The following ACAD11 variants were observed in gnomAD, a reference collection of about 807,000 sequenced individuals.
The protein encoded by ACAD11 is acyl-CoA dehydrogenase family member 11.
ACAD11 carries 83 observed loss-of-function variants against 102.2 expected under a neutral mutation model. The observed-to-expected ratio is 0.81, with a 90% CI of 0.68 to 0.97. The LOEUF is 0.97. Ranked by LOEUF, ACAD11 falls within the 50% of genes least tolerant of loss-of-function variation. The pLI, the probability that ACAD11 is intolerant of heterozygous loss-of-function variation, is 0.00. For synonymous variants in ACAD11, 324 were observed against 319.8 expected (o/e 1.01, Z -0.14); for missense variants, 901 against 951.7 (o/e 0.95, Z 0.70).
intron 9 of ACAD11, among the ~76,000 whole-genome samples, chr3:132,626,437 A>G (rs1381909391): frequency 6.6e-6 from 1 of 151,846 alleles, no homozygotes; most frequent in African/African-American, 2.4e-5. Context: ...AAGGCCCCCA[A>G]AGTAGTGTTT....
At position 132,642,564 on chromosome 3, in the gene ACAD11, C is replaced by A. The variant is rs1371886626; in HGVS notation, c.375+113G>T. ...AAACCTTTGCAATGCAATCTAATTA[C>A]CTAAAATGTTAAATAACAAACTATA... On this transcript the variant is annotated intron_variant, in intron 3 of 19. Transcript: ENST00000264990. The A allele has an allele frequency of 4.2e-6, 5 of 1,197,722 alleles. No individual in the cohort carries two copies. In the African/African-American group the frequency reaches 7.8e-5, roughly 19 times the overall value. The allele number at this position is 1,197,722 out of a possible 1,614,324, so 74.2% of individuals were successfully genotyped here.
intron 13 of ACAD11, among the ~76,000 whole-genome samples, chr3:132,584,415 G>GA (rs1470977000): frequency 6.6e-6 from 1 of 152,094 alleles, no homozygotes; most frequent in Admixed American, 6.5e-5. Context: ...TTGCTTGGTA[G>GA]ACTTTCCTCC....
intron 11 of ACAD11, among the ~76,000 whole-genome samples, chr3:132,612,334 A>T (rs1287202928): frequency 6.6e-6 from 1 of 152,090 alleles, no homozygotes; most frequent in African/African-American, 2.4e-5. Context: ...TCATGTCTAA[A>T]ACATCAAAAG....
chr3:132,643,863 C>T (rs768359183), intron 2 of ACAD11, among the ~76,000 whole-genome samples: 4 of 152,054 alleles, frequency 2.6e-5, no homozygotes, highest in Non-Finnish European at 4.4e-5. Flanking sequence ...AGATCCTTGG[C>T]AGCTGTACTT....
At chr3:132,594,900 AT>A (rs145356911) in intron 13 of ACAD11, among the ~76,000 whole-genome samples, 2,408 of 152,276 alleles carry the variant, frequency 0.016, 63 homozygotes, top group African/African-American at 0.055. Context: ...GTTTTTATTA[AT>A]TCAAAATATT....
At chr3:132,643,175 A>C (rs1027231688) in intron 2 of ACAD11, among the ~76,000 whole-genome samples, 1 of 151,958 alleles carries the variant, frequency 6.6e-6, no homozygotes, top group Admixed American at 6.6e-5. Context: ...ATGTCTTCCA[A>C]GGAAGCTCAG....
At chr3:132,569,950 T>C (rs1409965669) in intron 17 of ACAD11, among the ~76,000 whole-genome samples, 1 of 152,204 alleles carries the variant, frequency 6.6e-6, no homozygotes, top group African/African-American at 2.4e-5. Context: ...GATGTTACCA[T>C]TGGGGAAACT....
chr3:132,629,732 A>AT (rs1157375182), intron 7 of ACAD11, among the ~76,000 whole-genome samples: 1 of 151,876 alleles, frequency 6.6e-6, no homozygotes, highest in African/African-American at 2.4e-5. Context: ...TTTTCCCATT[A>AT]TTTTTCACTT....
chr3:132,644,593 C>A (rs973257131), intron 2 of ACAD11, among the ~76,000 whole-genome samples: 1 of 151,616 alleles, frequency 6.6e-6, no homozygotes, highest in East Asian at 1.9e-4. Context: ...AGATTAATAG[C>A]CTAAAGATAG....
At chr3:132,657,965 G>T (rs1373709395) in intron 1 of ACAD11, among the ~76,000 whole-genome samples, 1 of 149,292 alleles carries the variant, frequency 6.7e-6, no homozygotes, top group Non-Finnish European at 1.5e-5. Flanking sequence ...TGGTTCAAGC[G>T]ATTCTCCTGC....
intron 1 of ACAD11, among the ~76,000 whole-genome samples, chr3:132,657,291 T>C (rs1937859979): frequency 6.6e-6 from 1 of 152,216 alleles, no homozygotes; most frequent in African/African-American, 2.4e-5. Context: ...CTTCTATAAA[T>C]ATGTGGGTCT....
chr3:132,575,219 G>A (rs901357865), intron 17 of ACAD11, among the ~76,000 whole-genome samples: 1 of 152,092 alleles, frequency 6.6e-6, no homozygotes, highest in East Asian at 1.9e-4. Flanking sequence ...AGACTCAGTA[G>A]TATATAATTT....
intron 15 of ACAD11, 39 bp from the exon 16 acceptor site, chr3:132,577,054 G>T: frequency 1.6e-6 from 2 of 1,214,618 alleles, no homozygotes; most frequent in South Asian, 1.3e-5. Flanking sequence ...AAAAGGAGTT[G>T]ACTAAAAAAG....
Position 132,618,357 on chromosome 3 carries a change from C to T in ACAD11, c.1414+277G>A, listed in dbSNP as rs60296484. 3.4e-3 allele frequency: 1,246 copies of T among 364,212 alleles called. 21 individuals carry two copies. The highest frequency in any genetic ancestry group is 0.024 in the African/African-American group (1,144 of 47,820). The allele number at this position is 364,212 out of a possible 1,614,324, so 22.6% of individuals were successfully genotyped here. On this transcript the variant is annotated intron_variant, in intron 11 of 19. Coordinates refer to ENST00000264990, the MANE Select transcript of ACAD11 (RefSeq NM_032169.5). ...ACTAGTAATAGAAATATCCAATTCCCATGGATCCATGATCCATGATCCTTA... is the reference window on the plus strand; with the variant it reads ...ACTAGTAATAGAAATATCCAATTCCTATGGATCCATGATCCATGATCCTTA...
In ACAD11 at chr3:132,622,507, CCA is replaced by C. The variant is rs200629501; in HGVS notation, c.1198-2964_1198-2963del. Among the ~76,000 whole-genome samples, 237 of 152,220 alleles carry C rather than the reference CCA, an allele frequency of 1.6e-3. 4 individuals carry two copies. In the East Asian group the frequency reaches 0.04, roughly 26 times the overall value. On this transcript the variant is annotated intron_variant, in intron 9 of 19. Transcript: ENST00000264990. ...TCTGACCACCTTTTCTCATCTCTGA[CCA>C]CAGTTTGAAGAAATTAAATTATGCC...
chr3:132,639,359 G>T, intron 5 of ACAD11, 133 bp downstream of exon 5: 1 of 776,950 alleles, frequency 1.3e-6, no homozygotes, highest in Non-Finnish European at 1.9e-6. Flanking sequence ...AATTTTGAGT[G>T]GTGACGACAG....
chr3:132,657,917 T>C (rs1219963362), intron 1 of ACAD11, among the ~76,000 whole-genome samples: 2 of 146,536 alleles, frequency 1.4e-5, no homozygotes, highest in Non-Finnish European at 3.0e-5. Flanking sequence ...GGCTGGAGCA[T>C]GGTGGTGCAA....
At chr3:132,600,509 G>T (rs1239393842) in intron 13 of ACAD11, 2 of 1,613,872 alleles carry the variant, frequency 1.2e-6, no homozygotes, top group East Asian at 2.2e-5. Flanking sequence ...AGATGTCAGA[G>T]AATTTGCAAA....
intron 13 of ACAD11, among the ~76,000 whole-genome samples, chr3:132,586,697 A>G (rs889769348): frequency 6.6e-6 from 1 of 152,198 alleles, no homozygotes; most frequent in African/African-American, 2.4e-5. Flanking sequence ...AAACTATTAT[A>G]CTGAAAATAA....
Sources: gnomAD v4.1 joint callset for allele counts (sites outside exome capture counted in the v4.1 genomes callset) on GRCh38, gnomAD v4.1.1 for gene constraint, MANE v1.5 for transcripts, NCBI Gene and HGNC (gene_info 2026-07-23, HGNC 2026-07-21) for gene names.